The following LRRC4C variants were observed in gnomAD, a reference collection of about 807,000 sequenced individuals.
LRRC4C encodes leucine-rich repeat-containing protein 4C.
In LRRC4C, 5 loss-of-function variants were observed where a neutral mutation model predicts 33.6. That is an observed-to-expected ratio of 0.15 (90% CI 0.08 to 0.31). The LOEUF is 0.31. Ranked by LOEUF, LRRC4C falls within the 10% of genes least tolerant of loss-of-function variation. The pLI, the probability that LRRC4C is intolerant of heterozygous loss-of-function variation, is 1.00. For synonymous variants in LRRC4C, 329 were observed against 302.0 expected, an observed-to-expected ratio of 1.09 and a Z score of -0.93; for missense variants, 560 against 796.7, an observed-to-expected ratio of 0.70 and a Z score of 3.58.
At chr11:40,276,214 C>T (rs942998303) in intron 4 of LRRC4C, among the ~76,000 whole-genome samples, 2 of 151,898 alleles carry the variant, frequency 1.3e-5, no homozygotes, top group African/African-American at 4.8e-5. Flanking sequence ...AATCAGGGCA[C>T]GATTATAGTT....
chr11:40,637,398 A>T (rs2136064688), intron 3 of LRRC4C, among the ~76,000 whole-genome samples: 1 of 152,324 alleles, frequency 6.6e-6, no homozygotes, highest in African/African-American at 2.4e-5. Flanking sequence ...AAAACTAAGT[A>T]TAGAAATAAA....
rs555782018 is a variant in LRRC4C, at chr11:41,093,863, G to A, written c.-495-160140C>T. Among the ~76,000 whole-genome samples, 15 of 150,920 alleles carry A rather than the reference G, an allele frequency of 9.9e-5. No individual in the cohort carries two copies. The South Asian group carries it at 3.0e-3, about 30-fold the overall frequency. On this transcript the variant is annotated intron_variant, in intron 1 of 6. Transcript: ENST00000528697. Reference sequence around the variant, plus strand: ...TCCCAGCACTTTGGGAGACCAAGGCGGGCGGATCACAAGGTCAGGAGATCG... The same window carrying A: ...TCCCAGCACTTTGGGAGACCAAGGCAGGCGGATCACAAGGTCAGGAGATCG...
intron 3 of LRRC4C, among the ~76,000 whole-genome samples, chr11:40,428,897 A>T (rs1222337469): frequency 2.6e-5 from 4 of 152,162 alleles, no homozygotes; most frequent in African/African-American, 9.7e-5. Context: ...TGAAGTCAGG[A>T]GTGGATGTTT....
chr11:40,260,658 T>C lies in LRRC4C; in HGVS notation c.-175-19060A>G, dbSNP rs1240936879. Among the ~76,000 whole-genome samples the C allele has an allele frequency of 3.3e-5, 5 of 152,040 alleles. No individual in the cohort carries two copies. The South Asian group carries it at 1.0e-3, about 32-fold the overall frequency. On this transcript the variant is annotated intron_variant, in intron 4 of 6. Coordinates refer to ENST00000528697, the MANE Select transcript of LRRC4C (RefSeq NM_001258419.2). ...TCCCGTCCAAGGAGCTAAGAAAGGATGAGGACCAGCATCAGAGACCATCAT... is the reference window on the plus strand; with the variant it reads ...TCCCGTCCAAGGAGCTAAGAAAGGACGAGGACCAGCATCAGAGACCATCAT...
intron 1 of LRRC4C, among the ~76,000 whole-genome samples, chr11:41,153,390 A>G (rs1944087094): frequency 6.6e-6 from 1 of 152,186 alleles, no homozygotes; most frequent in Non-Finnish European, 1.5e-5. Context: ...CTCAATAAAT[A>G]TGTACTGAAT....
intron 1 of LRRC4C, among the ~76,000 whole-genome samples, chr11:41,254,332 A>T (rs568129870): frequency 6.6e-6 from 1 of 152,006 alleles, no homozygotes; most frequent in Non-Finnish European, 1.5e-5. Flanking sequence ...GTCTACGTGG[A>T]TCAATCAGTA....
At position 41,027,957 on chromosome 11, in the gene LRRC4C, A is replaced by G. The variant is rs184726383; in HGVS notation, c.-495-94234T>C. ...AAGTATTAATTAAAACTCAAACAGT[A>G]ATTTAGAAGTTAATGATGAGAATCC... On this transcript the variant is annotated intron_variant, in intron 1 of 6. Transcript: ENST00000528697. 1.3e-4 allele frequency among the ~76,000 whole-genome samples: 19 copies of G among 151,768 alleles called. No homozygotes were observed. The East Asian group carries it at 3.3e-3, about 26-fold the overall frequency.
intron 5 of LRRC4C, among the ~76,000 whole-genome samples, chr11:40,148,537 T>A (rs1857931098): frequency 6.6e-6 from 1 of 152,166 alleles, no homozygotes; most frequent in Non-Finnish European, 1.5e-5. Context: ...TATTTGTTAT[T>A]TTCTTGTAAA....
chr11:40,864,528 A>G (rs1954259967), intron 2 of LRRC4C, among the ~76,000 whole-genome samples: 2 of 152,218 alleles, frequency 1.3e-5, no homozygotes, highest in South Asian at 4.1e-4. Flanking sequence ...AATATGTATT[A>G]TCTGGTCTTA....
At chr11:40,326,793 A>G (rs1946125397) in intron 3 of LRRC4C, among the ~76,000 whole-genome samples, 1 of 152,332 alleles carries the variant, frequency 6.6e-6, no homozygotes, top group Non-Finnish European at 1.5e-5. Context: ...GAATCTTCTA[A>G]GATATAAGTG....
intron 3 of LRRC4C, among the ~76,000 whole-genome samples, chr11:40,471,880 C>T (rs1288681972): frequency 6.6e-6 from 1 of 152,138 alleles, no homozygotes; most frequent in Admixed American, 6.6e-5. Flanking sequence ...AGCACCACAT[C>T]GCACTTATTC....
intron 2 of LRRC4C, among the ~76,000 whole-genome samples, chr11:40,652,454 C>G (rs986624376): frequency 5.3e-5 from 8 of 152,162 alleles, no homozygotes; most frequent in African/African-American, 1.9e-4. Context: ...TTCAAGTCAC[C>G]TTATGAGGTA....
intron 1 of LRRC4C, among the ~76,000 whole-genome samples, chr11:41,225,909 T>C (rs1454668574): frequency 6.6e-6 from 1 of 152,124 alleles, no homozygotes; most frequent in Non-Finnish European, 1.5e-5. Context: ...CCTCAGTCCA[T>C]GCCACTCACC....
chr11:40,497,931 C>T (rs569603024), intron 3 of LRRC4C, among the ~76,000 whole-genome samples: 1 of 152,050 alleles, frequency 6.6e-6, no homozygotes, highest in Non-Finnish European at 1.5e-5. Context: ...ATTTATAGAC[C>T]AGTATTTCTG....
intron 1 of LRRC4C, among the ~76,000 whole-genome samples, chr11:41,129,635 A>C (rs1014443226): frequency 1.3e-5 from 2 of 151,924 alleles, no homozygotes; most frequent in African/African-American, 4.8e-5. Flanking sequence ...GCCATTAATA[A>C]AATCACCTTT....
chr11:41,196,099 A>G (rs1946167570), intron 1 of LRRC4C, among the ~76,000 whole-genome samples: 1 of 152,074 alleles, frequency 6.6e-6, no homozygotes, highest in African/African-American at 2.4e-5. Context: ...TAATTCCATG[A>G]CATTTATAAA....
rs138808379 is a variant in LRRC4C, at chr11:41,009,249, T to C, written c.-495-75526A>G. 8.4e-3 allele frequency among the ~76,000 whole-genome samples: 1,282 copies of C among 151,964 alleles called. 25 individuals carry two copies. Among genetic ancestry groups the C allele is most frequent in the African/African-American group, 0.029 (1,205 of 41,516 alleles). Reference sequence around the variant, plus strand: ...GTTTAAAACATATATATTTTGAATATATATATATGTTTTGAATATATATAT... The same window carrying C: ...GTTTAAAACATATATATTTTGAATACATATATATGTTTTGAATATATATAT... On this transcript the variant is annotated intron_variant, in intron 1 of 6. Coordinates refer to ENST00000528697, the MANE Select transcript of LRRC4C (RefSeq NM_001258419.2).
At chr11:40,443,931 T>A (rs547967878) in intron 3 of LRRC4C, among the ~76,000 whole-genome samples, 1 of 152,314 alleles carries the variant, frequency 6.6e-6, no homozygotes, top group South Asian at 2.1e-4. Flanking sequence ...AAATATGAAA[T>A]TTTATATGAT....
intron 3 of LRRC4C, among the ~76,000 whole-genome samples, chr11:40,578,890 G>A (rs1958336585): frequency 6.6e-6 from 1 of 152,022 alleles, no homozygotes; most frequent in Admixed American, 6.5e-5. Context: ...AGAGAGCTTC[G>A]CCTGTGGTAG....
Sources: allele counts gnomAD v4.1 joint callset (sites outside exome capture counted in the v4.1 genomes callset), GRCh38; gene constraint gnomAD v4.1.1; transcripts MANE v1.5; gene names NCBI Gene and HGNC (gene_info 2026-07-23, HGNC 2026-07-21).